Variants in RIN2 observed in about 807,000 individuals in gnomAD.
RIN2 encodes the protein RAB5 interacting protein 2.
RIN2 carries 36 observed loss-of-function variants against 78.0 expected under a neutral mutation model. That is an observed-to-expected ratio of 0.46 (90% CI 0.35 to 0.61). The LOEUF (loss-of-function observed/expected upper bound fraction) is 0.61, where lower values mean the gene tolerates loss of function less well. Among genes scored for constraint, RIN2 ranks in the 20% least tolerant of loss-of-function variants. The pLI is 0.00. For synonymous variants in RIN2, 466 were observed against 466.8 expected, an observed-to-expected ratio of 1.00 and a Z score of 0.02; for missense variants, 1,087 against 1,159.7, an observed-to-expected ratio of 0.94 and a Z score of 0.91.
At chr20:19,888,945 C>T (rs1274058673) in intron 2 of RIN2, among the ~76,000 whole-genome samples, 1 of 152,252 alleles carries the variant, frequency 6.6e-6, no homozygotes, top group Admixed American at 6.5e-5. Context: ...TTTTCCTCTA[C>T]GTTCAGCTCC....
intron 3 of RIN2, among the ~76,000 whole-genome samples, chr20:19,934,213 C>T (rs1268785783): frequency 3.3e-5 from 5 of 152,136 alleles, no homozygotes; most frequent in African/African-American, 1.2e-4. Flanking sequence ...AATTTAATAA[C>T]GCTTATTTTA....
intron 2 of RIN2, among the ~76,000 whole-genome samples, chr20:19,868,744 G>GC (rs2037587061): frequency 6.6e-6 from 1 of 152,136 alleles, no homozygotes; most frequent in Non-Finnish European, 1.5e-5. Flanking sequence ...ATGAAGGGAA[G>GC]CTAGCACAGA....
chr20:19,782,135 A>T (rs2034529725), intron 1 of RIN2, among the ~76,000 whole-genome samples: 1 of 152,228 alleles, frequency 6.6e-6, no homozygotes, highest in African/African-American at 2.4e-5. Context: ...ATTATTCATG[A>T]AATATCCAAT....
rs554310090 is a variant in RIN2 at position 19,962,786 on chromosome 20, G to T, written c.463+1975G>T. 3.9e-5 allele frequency among the ~76,000 whole-genome samples: 6 copies of T among 152,240 alleles called. No individual in the cohort carries two copies. The South Asian group carries it at 6.2e-4, about 16-fold the overall frequency. ...AGCCTGGGCAACATGGTGAAACCCC[G>T]TCTCTACTGAAAACACAAAAATTAG... On this transcript the variant is annotated intron_variant, in intron 6 of 12. Transcript: ENST00000255006.
intron 1 of RIN2, among the ~76,000 whole-genome samples, chr20:19,781,701 T>C (rs542668395): frequency 1.3e-3 from 197 of 152,292 alleles, no homozygotes; most frequent in Non-Finnish European, 2.3e-3. Flanking sequence ...GTGGTGAGAT[T>C]GAAGGCCTGA....
chr20:20,000,381 C>T (rs1219021474), intron 12 of RIN2, among the ~76,000 whole-genome samples: 1 of 152,226 alleles, frequency 6.6e-6, no homozygotes, highest in African/African-American at 2.4e-5. Flanking sequence ...ACCAGGGCTG[C>T]ATGGACTTCC....
At chr20:19,862,519 G>T (rs1225916475) in intron 2 of RIN2, among the ~76,000 whole-genome samples, 2 of 152,112 alleles carry the variant, frequency 1.3e-5, no homozygotes, top group Non-Finnish European at 2.9e-5. Context: ...CTTAAACTCG[G>T]GAGGCAGAGG....
At position 19,869,826 on chromosome 20, in the gene RIN2, T is replaced by TGA. The variant is rs1372908494; in HGVS notation, c.-36-19740_-36-19739insGA. ...TTTATTTATTTATTTATTTATTTAT[T>TGA]TATTTATTGTAGAGAAGGGGGTTCG... is the stretch of plus-strand genomic sequence containing the variant. On this transcript the variant is annotated intron_variant, in intron 2 of 12. Coordinates refer to ENST00000255006, the MANE Select transcript of RIN2 (RefSeq NM_018993.4). Among the ~76,000 whole-genome samples the TGA allele has an allele frequency of 4.9e-3, 743 of 151,278 alleles. 5 individuals are homozygous for TGA. The highest frequency in any genetic ancestry group is 0.017 in the African/African-American group (712 of 41,286).
chr20:19,963,923 G>T (rs1226839503), intron 6 of RIN2, among the ~76,000 whole-genome samples: 1 of 144,368 alleles, frequency 6.9e-6, no homozygotes, highest in African/African-American at 2.6e-5. Flanking sequence ...GAGTGCAGTG[G>T]CTCTATCTTG....
chr20:19,952,626 G>A (rs6106162), intron 4 of RIN2, among the ~76,000 whole-genome samples: 8,438 of 152,164 alleles, frequency 0.055, 497 homozygotes, highest in East Asian at 0.3. Context: ...AGGCTTTTCA[G>A]CTCCTTGAAA....
chr20:19,932,554 C>A (rs2040481452), intron 3 of RIN2, among the ~76,000 whole-genome samples: 1 of 152,152 alleles, frequency 6.6e-6, no homozygotes, highest in African/African-American at 2.4e-5. Flanking sequence ...TGGAAGCTCC[C>A]CCTCTGGTCC....
intron 7 of RIN2, 79 bp downstream of exon 7, chr20:19,965,103 A>T (rs1057263605): frequency 3.9e-5 from 46 of 1,194,564 alleles, no homozygotes; most frequent in Non-Finnish European, 5.7e-5. Flanking sequence ...TTCTTGAAGG[A>T]TCTAGGAGGC....
At chr20:19,790,123 T>C (rs1248326406) in intron 1 of RIN2, among the ~76,000 whole-genome samples, 5 of 152,232 alleles carry the variant, frequency 3.3e-5, no homozygotes, top group Non-Finnish European at 7.3e-5. Flanking sequence ...TTTCCCTCGT[T>C]GCAGATGAGT....
At chr20:19,958,163 G>A (rs2041616121) in intron 5 of RIN2, among the ~76,000 whole-genome samples, 1 of 152,194 alleles carries the variant, frequency 6.6e-6, no homozygotes, top group African/African-American at 2.4e-5. Context: ...GAAACAGGTA[G>A]AACTAAGACG....
At chr20:19,965,184 C>T (rs1339192587) in intron 7 of RIN2, among the ~76,000 whole-genome samples, 160 bp downstream of exon 7, 3 of 152,100 alleles carry the variant, frequency 2.0e-5, no homozygotes, top group Non-Finnish European at 4.4e-5. Flanking sequence ...TGAACAGGTT[C>T]ACCAAGTTCA....
At chr20:19,818,696 C>T (rs1374311342) in intron 2 of RIN2, among the ~76,000 whole-genome samples, 4 of 145,446 alleles carry the variant, frequency 2.8e-5, no homozygotes, top group Non-Finnish European at 5.9e-5. Flanking sequence ...GGCTCCATAG[C>T]ACTCCAGCCT....
At chr20:19,772,131 G>A (rs979062636) in intron 1 of RIN2, among the ~76,000 whole-genome samples, 7 of 152,178 alleles carry the variant, frequency 4.6e-5, no homozygotes, top group Admixed American at 1.3e-4. Flanking sequence ...TCTTTGCTGG[G>A]TCACCAGTTT....
chr20:19,861,165 A>G (rs1209018007), intron 2 of RIN2, among the ~76,000 whole-genome samples: 1 of 152,170 alleles, frequency 6.6e-6, no homozygotes, highest in African/African-American at 2.4e-5. Flanking sequence ...CAGATGTCAC[A>G]CTATTCCTTC....
intron 2 of RIN2, among the ~76,000 whole-genome samples, chr20:19,873,497 A>G (rs1257634949): frequency 6.6e-6 from 1 of 152,188 alleles, no homozygotes; most frequent in African/African-American, 2.4e-5. Context: ...CTCTGTTGCA[A>G]CTACTCAGTT....
Sources: allele counts gnomAD v4.1 joint callset (sites outside exome capture counted in the v4.1 genomes callset), GRCh38; gene constraint gnomAD v4.1.1; transcripts MANE v1.5; gene names NCBI Gene and HGNC (gene_info 2026-07-23, HGNC 2026-07-21).